Variants in MAPK8IP3 observed in about 807,000 individuals in gnomAD.
MAPK8IP3 encodes the protein mitogen-activated protein kinase 8 interacting protein 3.
In MAPK8IP3, 49 loss-of-function variants were observed where a neutral mutation model predicts 157.8. The observed-to-expected ratio is 0.31, with a 90% CI of 0.25 to 0.39. MAPK8IP3 has a LOEUF of 0.39. MAPK8IP3 is among the 10% of genes least tolerant of loss of function. MAPK8IP3 has a pLI of 1.00. For synonymous variants in MAPK8IP3, 897 were observed against 777.7 expected, an observed-to-expected ratio of 1.15 and a Z score of -2.55; for missense variants, 1,478 against 1,889.4, an observed-to-expected ratio of 0.78 and a Z score of 4.04.
At chr16:1,744,955 GT>G in intron 5 of MAPK8IP3, 1 of 983,652 alleles carries the variant, frequency 1.0e-6, no homozygotes, top group African/African-American at 1.7e-5. Flanking sequence ...TTTTGTTTTT[GT>G]TTTTATGTAC....
rs2041915856 is a variant in MAPK8IP3 at position 1,761,217 on chromosome 16, C to A, written c.1458-7C>A. On this transcript the variant is annotated splice_polypyrimidine_tract_variant and splice_region_variant and intron_variant, in intron 12 of 31. Transcript: ENST00000610761. The stretch of plus-strand genomic sequence containing the variant: ...TCACCCTCCCTGCCTCCTTCCCCTT[C>A]CCACAGAGTGAAGTCCGAGGCCATC... The A allele has an allele frequency of 6.2e-7, 1 of 1,613,126 alleles. No homozygotes were observed. Among genetic ancestry groups the A allele is most frequent in the African/African-American group, 1.3e-5 (1 of 75,044 alleles).
intron 5 of MAPK8IP3, chr16:1,744,308 G>A: frequency 2.5e-5 from 25 of 985,948 alleles, no homozygotes; most frequent in Non-Finnish European, 3.0e-5. Context: ...GCTGGGTTGG[G>A]CTGGTGGATG....
chr16:1,717,794 G>A (rs960465538), intron 1 of MAPK8IP3, among the ~76,000 whole-genome samples: 1 of 151,732 alleles, frequency 6.6e-6, no homozygotes, highest in African/African-American at 2.4e-5. Context: ...TTTTGTAATC[G>A]TGCTTTATAG....
chr16:1,765,952 C>T lies in MAPK8IP3; in HGVS notation c.2447-8C>T, dbSNP rs768531309. ...CCGCACAGGCTGACGGGCCGTCCCT[C>T]TCCCCAGCGGCCAGCGACAGCGACT... On this transcript the variant is annotated splice_region_variant and splice_polypyrimidine_tract_variant and intron_variant, in intron 20 of 31. Transcript: ENST00000610761. 1.4e-5 allele frequency: 23 copies of T among 1,606,430 alleles called. No homozygotes were observed. The East Asian group carries it at 3.4e-4, about 23-fold the overall frequency.
intron 4 of MAPK8IP3, 34 bp downstream of exon 4, chr16:1,729,612 G>T (rs749351373): frequency 1.9e-6 from 3 of 1,544,862 alleles, no homozygotes; most frequent in Non-Finnish European, 2.6e-6. Context: ...AGGTACGCGG[G>T]GCGCGGCGGG....
intron 8 of MAPK8IP3, among the ~76,000 whole-genome samples, chr16:1,756,671 A>G (rs1034905860): frequency 3.2e-5 from 4 of 125,080 alleles, no homozygotes; most frequent in Non-Finnish European, 5.3e-5. Flanking sequence ...CACACACACA[A>G]ATTAGCCGGG....
rs765971524 is a variant in MAPK8IP3 at position 1,748,324 on chromosome 16, C to T, written c.1075C>T (p.Arg359Cys). The change falls in exon 7 of 32, where the codon CGC (arginine) becomes TGC (cysteine). Residue 359 changes from arginine (R) to cysteine (C), a missense_variant. Physicochemically the swap from Arg to Cys is radical, Grantham distance 180. Transcript: ENST00000610761. ...TPELDMCPET[R>C]LDRTGSSPTQ... The stretch of plus-strand genomic sequence containing the variant: ...AGAGCTGGACATGTGTCCAGAGACC[C>T]GCCTGGACCGCACAGGAAGCAGGTA... 8.1e-6 allele frequency: 13 copies of T among 1,613,760 alleles called. No homozygotes were observed. The highest frequency in any genetic ancestry group is 2.2e-5 in the South Asian group (2 of 91,090).
chr16:1,753,794 A>C (rs1047121996), intron 8 of MAPK8IP3, among the ~76,000 whole-genome samples: 3 of 152,122 alleles, frequency 2.0e-5, no homozygotes, highest in Admixed American at 2.0e-4. Flanking sequence ...CTGCAAATTA[A>C]ACTATAATGT....
chr16:1,761,404 A>G (rs960562789), intron 13 of MAPK8IP3, 99 bp downstream of exon 13: 11 of 1,021,418 alleles, frequency 1.1e-5, no homozygotes, highest in African/African-American at 9.6e-5. Context: ...GGTGACCACC[A>G]TTCACCATTC....
chr16:1,719,388 A>G (rs757460878), intron 1 of MAPK8IP3, among the ~76,000 whole-genome samples: 2 of 152,248 alleles, frequency 1.3e-5, no homozygotes, highest in Admixed American at 6.5e-5. Context: ...CGGTGATTCA[A>G]AATGATTCTC....
intron 4 of MAPK8IP3, among the ~76,000 whole-genome samples, chr16:1,736,343 CGT>C (rs529288637): frequency 4.3e-4 from 28 of 64,786 alleles, no homozygotes; most frequent in South Asian, 9.4e-4. Context: ...TCCGTGTGAG[CGT>C]GTGACCGTCC....
rs904351056 is a variant in MAPK8IP3 at position 1,743,081 on chromosome 16, C to T, written c.603-251C>T. Among the ~76,000 whole-genome samples the T allele has an allele frequency of 2.6e-5, 4 of 151,786 alleles. No individual in the cohort carries two copies. Among genetic ancestry groups the T allele is most frequent in the Non-Finnish European group, 4.4e-5 (3 of 67,954 alleles). ...CTGCACTCCAGCCTGGGTGACAGAG[C>T]GAGACTCCGCCTCAAAAAAAATAAA... On this transcript the variant is annotated intron_variant, in intron 4 of 31. Transcript: ENST00000610761. This position sits in a 1 kb window ranked among gnomAD's most constrained non-coding sequence, Gnocchi z 5.6.
chr16:1,763,675 C>T lies in MAPK8IP3; in HGVS notation c.1917C>T (p.Ala639=), dbSNP rs761495560. 7.0e-6 allele frequency: 11 copies of T among 1,582,706 alleles called. No homozygotes were observed. The East Asian group carries it at 1.8e-4, about 27-fold the overall frequency. The part of the protein sequence containing the change: ...FFPDDDCTSS[A]RREQKREQYR... ...CACTCAGCGACTGCACGTCCTCCGC[C>T]CGTCGAGAGCAGAAGCGCGAGCAGT... Residue 639 remains alanine, a synonymous_variant, in exon 17 of 32, where the codon GCC becomes GCT. Transcript: ENST00000610761.
intron 1 of MAPK8IP3, among the ~76,000 whole-genome samples, chr16:1,709,947 G>C (rs1020197726): frequency 9.2e-5 from 14 of 152,228 alleles, no homozygotes; most frequent in African/African-American, 3.4e-4. Context: ...GCTGGAGTGG[G>C]TGTTCTCTCA....
At position 1,766,330 on chromosome 16, in the gene MAPK8IP3, A is replaced by G. The variant is rs1413661608; in HGVS notation, c.2740A>G (p.Thr914Ala). ...TGGGCCCAGCGAGCCAGAGACAGCC[A>G]CATTGCGGCCCGGGCCTCTCACAGA... is the stretch of plus-strand genomic sequence containing the variant. ...DPGPSEPETA[T>A]LRPGPLTEHV... Residue 914 changes from threonine to alanine, a missense_variant, in exon 22 of 32, where the codon ACA becomes GCA. This residue lies in a region of MAPK8IP3 where 669 missense variants were observed against 759.8 expected (regional missense o/e 0.88). Coordinates refer to ENST00000610761, the MANE Select transcript of MAPK8IP3 (RefSeq NM_001318852.2). 1.2e-6 allele frequency: 2 copies of G among 1,612,558 alleles called. No homozygotes were observed. Among genetic ancestry groups the G allele is most frequent in the Non-Finnish European group, 1.7e-6 (2 of 1,179,980 alleles).
intron 17 of MAPK8IP3, 112 bp from the exon 18 acceptor site, chr16:1,764,001 CCA>C (rs1320996582): frequency 1.3e-5 from 15 of 1,158,990 alleles, no homozygotes; most frequent in Non-Finnish European, 1.8e-5. Flanking sequence ...CCACCTGCCT[CCA>C]GTCTTGAAGT....
intron 11 of MAPK8IP3, 85 bp from the exon 12 acceptor site, chr16:1,760,295 C>T (rs1255052191): frequency 1.7e-5 from 25 of 1,506,498 alleles, no homozygotes; most frequent in Admixed American, 5.9e-5. Flanking sequence ...TTCTCCAGGG[C>T]GGAAGTGCAG....
chr16:1,736,837 CGTGTGACCGTCCGT>C (rs1304469525), intron 4 of MAPK8IP3, among the ~76,000 whole-genome samples: 1 of 57,504 alleles, frequency 1.7e-5, no homozygotes, highest in Non-Finnish European at 3.1e-5. Flanking sequence ...TCCGTGTGAG[CGTGTGACCGTCCGT>C]GTGTGACCGT....
intron 4 of MAPK8IP3, among the ~76,000 whole-genome samples, chr16:1,737,606 G>T (rs2040092647): frequency 1.0e-5 from 1 of 97,406 alleles, no homozygotes; most frequent in Non-Finnish European, 2.1e-5. Flanking sequence ...GTGAGCGTGT[G>T]ACCGTCCGTG....
Sources: gnomAD v4.1 joint callset for allele counts (sites outside exome capture counted in the v4.1 genomes callset) on GRCh38, gnomAD v4.1.1 for gene constraint, gnomAD v4.1.1 regional missense constraint, Gnocchi (gnomAD v3.1) non-coding constraint, MANE v1.5 for transcripts, NCBI Gene and HGNC (gene_info 2026-07-23, HGNC 2026-07-21) for gene names.